Variants in MDM4 observed in about 807,000 individuals in gnomAD.
MDM4 encodes MDM4 regulator of p53, also known as protein Mdm4.
MDM4 carries 2 observed loss-of-function variants against 60.2 expected under a neutral mutation model. The ratio of observed to expected loss-of-function variants is 0.03; its 90% CI spans 0.01 to 0.10. MDM4 has a LOEUF of 0.10. MDM4 is among the 10% of genes least tolerant of loss of function. MDM4 has a pLI of 1.00. For synonymous variants in MDM4, 202 were observed against 198.1 expected, an observed-to-expected ratio of 1.02 and a Z score of -0.17; for missense variants, 447 against 577.5, an observed-to-expected ratio of 0.77 and a Z score of 2.32.
chr1:204,520,370 TG>T (rs1017864427), intron 1 of MDM4, among the ~76,000 whole-genome samples: 1 of 96,340 alleles, frequency 1.0e-5, no homozygotes, highest in African/African-American at 2.9e-5. Flanking sequence ...GCAACATCCC[TG>T]CTTTTTTTTT....
chr1:204,522,948 C>T (rs1163323397), intron 1 of MDM4, among the ~76,000 whole-genome samples: 10 of 151,134 alleles, frequency 6.6e-5, no homozygotes, highest in Non-Finnish European at 1.3e-4. Context: ...CTGCAACCTC[C>T]GCCTCCCAGG....
Position 204,530,613 on chromosome 1 carries a change from ACCT to A in MDM4, c.154-66_154-64del, listed in dbSNP as rs534377766. On this transcript the variant is annotated intron_variant, in intron 3 of 10. Transcript: ENST00000367182. ...TTTCTTTAGCAAACTAACTTACCTTACCTCCTCTAATGAATTTGTGTTTTTGGT... is the reference window on the plus strand; with the variant it reads ...TTTCTTTAGCAAACTAACTTACCTTACCTCTAATGAATTTGTGTTTTTGGT... 5.0e-3 allele frequency: 7,904 copies of A among 1,576,548 alleles called. 35 individuals are homozygous for A. Among genetic ancestry groups the A allele is most frequent in the Middle Eastern group, 8.2e-3 (44 of 5,394 alleles).
At chr1:204,549,002 A>G (rs1662945232) in intron 10 of MDM4, 111 bp from the exon 11 acceptor site, 7 of 704,134 alleles carry the variant, frequency 9.9e-6, no homozygotes, top group East Asian at 5.1e-5. Context: ...AGGCTAGATC[A>G]CTGGTGTGGA....
chr1:204,537,376 G>A lies in MDM4; in HGVS notation c.344-54G>A, dbSNP rs188192277. The A allele has an allele frequency of 9.9e-5, 141 of 1,420,906 alleles. No homozygotes were observed. The African/African-American group carries it at 1.8e-3, about 18-fold the overall frequency. 88.0% of individuals were successfully genotyped at this position (1,420,906 alleles called of 1,614,324 possible). A position where few individuals can be genotyped will look rare whatever the true frequency, so the allele number is the denominator to read the frequency against. On this transcript the variant is annotated intron_variant, in intron 5 of 10. Coordinates refer to ENST00000367182, the MANE Select transcript of MDM4 (RefSeq NM_002393.5). The stretch of plus-strand genomic sequence containing the variant: ...TGTTTGCTGAGGTCCTTTTTGTGTG[G>A]AAAGAATGGTTATTACCAGGGAAGG...
chr1:204,519,024 A>T (rs1370183801), intron 1 of MDM4, among the ~76,000 whole-genome samples: 3 of 152,190 alleles, frequency 2.0e-5, no homozygotes, highest in African/African-American at 7.2e-5. Flanking sequence ...GTTTAGGATG[A>T]ATCAGTTTTG....
chr1:204,527,345 T>C (rs980725121), intron 3 of MDM4, among the ~76,000 whole-genome samples: 2 of 151,954 alleles, frequency 1.3e-5, no homozygotes, highest in Non-Finnish European at 2.9e-5. Flanking sequence ...AGGCAGGAAT[T>C]AAATGCAGTA....
intron 4 of MDM4, among the ~76,000 whole-genome samples, chr1:204,531,392 G>A (rs1270737447): frequency 2.0e-5 from 3 of 152,122 alleles, no homozygotes; most frequent in African/African-American, 7.2e-5. Context: ...ATCACAGTAG[G>A]GCTAACCTGA....
chr1:204,537,576 ACCTT>A, intron 6 of MDM4, 79 bp downstream of exon 6: 5 of 989,248 alleles, frequency 5.1e-6, no homozygotes, highest in Non-Finnish European at 8.0e-6. Flanking sequence ...GACTCCCAAG[ACCTT>A]TCCCTGAATG....
At chr1:204,540,447 A>G (rs1661947135) in intron 7 of MDM4, among the ~76,000 whole-genome samples, 1 of 152,156 alleles carries the variant, frequency 6.6e-6, no homozygotes, top group East Asian at 1.9e-4. Context: ...GAGTTCATCC[A>G]TATTTTCCCC....
Position 204,551,782 on chromosome 1 carries a change from C to G in MDM4, c.*2100C>G. On this transcript the variant is annotated 3_prime_UTR_variant, in exon 11 of 11. Coordinates refer to ENST00000367182, the MANE Select transcript of MDM4 (RefSeq NM_002393.5). ...AATGTCCAAACGTGCAGAGACTGAT[C>G]TTTGAGATCTGGACCAGGAATTTGC... The G allele has an allele frequency of 4.4e-6, 1 of 225,408 alleles. No homozygotes were observed. Among genetic ancestry groups the G allele is most frequent in the East Asian group, 6.4e-5 (1 of 15,626 alleles). 14.0% of individuals were successfully genotyped at this position (225,408 alleles called of 1,614,324 possible). A position where few individuals can be genotyped will look rare whatever the true frequency, so the allele number is the denominator to read the frequency against.
chr1:204,547,116 C>T (rs1662744496), intron 10 of MDM4, among the ~76,000 whole-genome samples: 1 of 152,082 alleles, frequency 6.6e-6, no homozygotes, highest in South Asian at 2.1e-4. Flanking sequence ...ATAAATGCCT[C>T]TGTGTGCCTT....
intron 5 of MDM4, among the ~76,000 whole-genome samples, chr1:204,533,380 T>A (rs1256247076): frequency 1.6e-4 from 4 of 25,410 alleles, no homozygotes; most frequent in Admixed American, 1.4e-3. Flanking sequence ...TGACCATCTT[T>A]TTTTCTTCTC....
chr1:204,525,426 G>A (rs1323883571), intron 1 of MDM4, 58 bp from the exon 2 acceptor site: 14 of 1,501,418 alleles, frequency 9.3e-6, no homozygotes, highest in Non-Finnish European at 1.1e-5. Context: ...TTGTGTGAAT[G>A]CTAAATAGGG....
chr1:204,535,490 A>C (rs1661315279), intron 5 of MDM4, among the ~76,000 whole-genome samples: 1 of 150,860 alleles, frequency 6.6e-6, no homozygotes, highest in Admixed American at 6.6e-5. Flanking sequence ...TGTCTCTCCA[A>C]ATTTTCCCAT....
At chr1:204,529,647 C>G (rs1660652603) in intron 3 of MDM4, 1 of 861,456 alleles carries the variant, frequency 1.2e-6, no homozygotes. Context: ...GTTCCTGGCG[C>G]TTGCCCTGCA....
chr1:204,517,011 G>T (rs770057041), intron 1 of MDM4, among the ~76,000 whole-genome samples: 1 of 152,272 alleles, frequency 6.6e-6, no homozygotes, highest in Admixed American at 6.5e-5. Context: ...AGGCCGAGGT[G>T]GGTGGATCTA....
chr1:204,542,359 A>G (rs1463658952), intron 7 of MDM4, among the ~76,000 whole-genome samples: 1 of 152,244 alleles, frequency 6.6e-6, no homozygotes, highest in Non-Finnish European at 1.5e-5. Context: ...ATCATTTGCA[A>G]TGCTGTTAAT....
Position 204,556,811 on chromosome 1 carries a change from CT to C in MDM4, c.*7133del. On this transcript the variant is annotated 3_prime_UTR_variant, in exon 11 of 11. Coordinates refer to ENST00000367182, the MANE Select transcript of MDM4 (RefSeq NM_002393.5). ...GTTTCTTTTGGGTTTTTTTTTCCCC[CT>C]TTTAAAATCAACAGGAAATGTTTCA... 4.7e-6 allele frequency: 1 copy of C among 211,294 alleles called. No individual in the cohort carries two copies. The highest frequency in any genetic ancestry group is 9.6e-6 in the Non-Finnish European group (1 of 104,358). 13.1% of individuals were successfully genotyped at this position (211,294 alleles called of 1,614,324 possible). A position where few individuals can be genotyped will look rare whatever the true frequency, so the allele number is the denominator to read the frequency against.
At chr1:204,527,004 A>G (rs376754439) in intron 3 of MDM4, among the ~76,000 whole-genome samples, 9 of 152,152 alleles carry the variant, frequency 5.9e-5, no homozygotes, top group East Asian at 3.8e-4. Context: ...AAAGATTAAA[A>G]AGACACTGGG....
Sources: gnomAD v4.1 joint callset for allele counts (sites outside exome capture counted in the v4.1 genomes callset) on GRCh38, gnomAD v4.1.1 for gene constraint, MANE v1.5 for transcripts, NCBI Gene and HGNC (gene_info 2026-07-23, HGNC 2026-07-21) for gene names.